KRAS: variants seen among roughly 807,000 people sequenced by gnomAD.
The protein encoded by KRAS is KRas proto-oncogene, GTPase, also known as GTPase KRas.
A neutral mutation model predicts 21.0 loss-of-function variants in KRAS; 1 was observed. The observed-to-expected ratio is 0.05, with a 90% confidence interval of 0.02 to 0.23. The LOEUF (loss-of-function observed/expected upper bound fraction) is 0.23. KRAS is among the 10% of genes least tolerant of loss of function. KRAS has a pLI of 1.00. For synonymous variants in KRAS, 67 were observed against 72.5 expected (o/e 0.92, Z 0.39); for missense variants, 107 against 221.8 (o/e 0.48, Z 3.29).
chr12:25,212,642 A>G (rs1950908288), intron 4 of KRAS, among the ~76,000 whole-genome samples: 1 of 152,198 alleles, frequency 6.6e-6, no homozygotes, highest in Non-Finnish European at 1.5e-5. Context: ...AGAGCAATGA[A>G]TTCTTTTTTT....
At chr12:25,238,202 G>GA (rs1316917433) in intron 2 of KRAS, among the ~76,000 whole-genome samples, 3 of 152,148 alleles carry the variant, frequency 2.0e-5, no homozygotes, top group Non-Finnish European at 4.4e-5. Flanking sequence ...ACTCCCAAGA[G>GA]AAAAAACTAG....
intron 2 of KRAS, among the ~76,000 whole-genome samples, chr12:25,242,648 T>C (rs1454556124): frequency 6.6e-6 from 1 of 152,198 alleles, no homozygotes; most frequent in Non-Finnish European, 1.5e-5. Flanking sequence ...TGATTTTACA[T>C]CATACCTCTG....
intron 1 of KRAS, among the ~76,000 whole-genome samples, chr12:25,248,768 C>T (rs1009642002): frequency 5.9e-5 from 9 of 151,848 alleles, no homozygotes; most frequent in African/African-American, 1.7e-4. Context: ...GGACTGGACT[C>T]GAATCCAACA....
At chr12:25,239,936 G>A (rs1340996778) in intron 2 of KRAS, among the ~76,000 whole-genome samples, 4 of 151,562 alleles carry the variant, frequency 2.6e-5, no homozygotes, top group Non-Finnish European at 5.9e-5. Flanking sequence ...CTGGGCAACA[G>A]AGCGAGACTC....
At chr12:25,217,570 A>T (rs1341357347) in intron 4 of KRAS, among the ~76,000 whole-genome samples, 1 of 152,192 alleles carries the variant, frequency 6.6e-6, no homozygotes, top group East Asian at 1.9e-4. Context: ...CTAGTTAGCT[A>T]AGCCAACTAC....
rs56128001 is a variant in KRAS at position 25,207,515 on chromosome 12, C to CAAA, written c.*2277_*2279dup. 47 of 185,046 alleles carry CAAA rather than the reference C, an allele frequency of 2.5e-4. No homozygotes were observed. Among genetic ancestry groups the CAAA allele is most frequent in the East Asian group, 4.6e-4 (5 of 10,966 alleles). The allele number at this position is 185,046 out of a possible 1,614,324, so 11.5% of individuals were successfully genotyped here. On this transcript the variant is annotated 3_prime_UTR_variant, in exon 5 of 5. Coordinates refer to ENST00000311936, the MANE Select transcript of KRAS (RefSeq NM_004985.5). ...GGTGACAAGAGCGAGACTCTGACAC[C>CAAA]AAAAAAAAAAAGTAAGCTTCATGAA...
intron 4 of KRAS, among the ~76,000 whole-genome samples, chr12:25,219,125 G>A (rs1309997228): frequency 6.6e-6 from 1 of 151,760 alleles, no homozygotes; most frequent in Non-Finnish European, 1.5e-5. Flanking sequence ...TTTTAGTAGA[G>A]GGGGGTTTCA....
At chr12:25,226,611 CGTT>C (rs1357375517) in intron 3 of KRAS, among the ~76,000 whole-genome samples, 5 of 152,054 alleles carry the variant, frequency 3.3e-5, no homozygotes, top group Admixed American at 6.6e-5. Flanking sequence ...TAGGCTAACT[CGTT>C]ATTATATGAC....
At position 25,208,295 on chromosome 12, in the gene KRAS, A is replaced by G. The variant is rs1344926750; in HGVS notation, c.*1500T>C. ...ACCTAAGTCACCTTCTTCCTAGTCC[A>G]GTGATACTTTCACCTCACCATGCCA... On this transcript the variant is annotated 3_prime_UTR_variant, in exon 5 of 5. Transcript: ENST00000311936. 1 of 233,220 alleles carries G rather than the reference A, an allele frequency of 4.3e-6. No individual in the cohort carries two copies. The highest frequency in any genetic ancestry group is 5.6e-5 in the Admixed American group (1 of 17,782). 14.4% of individuals were successfully genotyped at this position (233,220 alleles called of 1,614,324 possible).
chr12:25,220,734 A>AT (rs1951310898), intron 4 of KRAS, among the ~76,000 whole-genome samples: 1 of 151,096 alleles, frequency 6.6e-6, no homozygotes, highest in African/African-American at 2.4e-5. Flanking sequence ...AAAAAAAAAA[A>AT]ATACTAGAGA....
chr12:25,230,385 T>C (rs878890391), intron 2 of KRAS, among the ~76,000 whole-genome samples: 1 of 152,168 alleles, frequency 6.6e-6, no homozygotes, highest in South Asian at 2.1e-4. Context: ...TCCCAGCACT[T>C]TGGGAGGCCA....
intron 2 of KRAS, chr12:25,235,241 G>A (rs949536935): frequency 1.4e-5 from 8 of 562,526 alleles, no homozygotes; most frequent in Non-Finnish European, 2.4e-5. Flanking sequence ...AGGAAAAGAT[G>A]AGAAACTTTT....
intron 2 of KRAS, among the ~76,000 whole-genome samples, chr12:25,237,054 C>A (rs1392779392): frequency 6.6e-6 from 1 of 152,104 alleles, no homozygotes; most frequent in East Asian, 1.9e-4. Flanking sequence ...GAGTATTATT[C>A]AGCCAGAAAA....
Position 25,213,982 on chromosome 12 carries a change from T to C in KRAS, c.451-4071A>G, listed in dbSNP as rs544707204. Among the ~76,000 whole-genome samples the C allele has an allele frequency of 5.3e-5, 8 of 152,334 alleles. No individual in the cohort carries two copies. The East Asian group carries it at 1.2e-3, about 22-fold the overall frequency. On this transcript the variant is annotated intron_variant, in intron 4 of 4. Transcript: ENST00000311936. ...AAAATATGTAATTCTGGCTAAGATT[T>C]TGCTGTCAAGTAATATAGGAATGAA...
At chr12:25,233,260 A>T (rs935689582) in intron 2 of KRAS, among the ~76,000 whole-genome samples, 1 of 152,184 alleles carries the variant, frequency 6.6e-6, no homozygotes, top group East Asian at 1.9e-4. Flanking sequence ...TTATAAATGT[A>T]GGTTAGGGCT....
chr12:25,220,485 T>A (rs202122840), intron 4 of KRAS, among the ~76,000 whole-genome samples: 1 of 151,606 alleles, frequency 6.6e-6, no homozygotes, highest in East Asian at 1.9e-4. Context: ...TCCCAGCACT[T>A]TGGGAGGCCG....
intron 2 of KRAS, among the ~76,000 whole-genome samples, chr12:25,227,907 C>T (rs1030518183): frequency 6.6e-6 from 1 of 152,128 alleles, no homozygotes; most frequent in African/African-American, 2.4e-5. Context: ...CCAATGTTCG[C>T]AGCAGCACTA....
chr12:25,220,868 T>C (rs1951313272), intron 4 of KRAS, among the ~76,000 whole-genome samples: 1 of 151,338 alleles, frequency 6.6e-6, no homozygotes, highest in Admixed American at 6.6e-5. Flanking sequence ...CTACTAAAAA[T>C]ACAAAAATCA....
At position 25,224,650 on chromosome 12, in the gene KRAS, G is replaced by A. The variant is rs138326387; in HGVS notation, c.450+964C>T. 3.5e-3 allele frequency among the ~76,000 whole-genome samples: 528 copies of A among 152,234 alleles called. 3 individuals are homozygous for A. The highest frequency in any genetic ancestry group is 0.012 in the African/African-American group (505 of 41,558). ...TATATAAACTTAGGGTAGCCCAAGT[G>A]TAGGTTTAGACACACAAAACTTACC... On this transcript the variant is annotated intron_variant, in intron 4 of 4. Coordinates refer to ENST00000311936, the MANE Select transcript of KRAS (RefSeq NM_004985.5).
Sources: allele counts gnomAD v4.1 joint callset (sites outside exome capture counted in the v4.1 genomes callset), GRCh38; gene constraint gnomAD v4.1.1; transcripts MANE v1.5; gene names NCBI Gene and HGNC (gene_info 2026-07-23, HGNC 2026-07-21).